Variants in PRR11 observed in about 807,000 individuals in gnomAD.
PRR11 encodes the protein proline rich 11.
Under a neutral mutation model 45.6 loss-of-function variants are expected in PRR11, and 30 were observed. The ratio of observed to expected loss-of-function variants is 0.66; its 90% confidence interval spans 0.49 to 0.89. PRR11 has a LOEUF of 0.89. PRR11 is among the 40% of genes least tolerant of loss of function. The pLI is 0.00. For synonymous variants in PRR11, 128 were observed against 153.5 expected, an observed-to-expected ratio of 0.83 and a Z score of 1.23; for missense variants, 373 against 424.8, an observed-to-expected ratio of 0.88 and a Z score of 1.07.
rs559191513 is a variant in PRR11 at position 59,185,358 on chromosome 17, C to A, written c.280-82C>A. The stretch of plus-strand genomic sequence containing the variant: ...CTGCCTTTGCTTCTATAAAAACATA[C>A]ATCAAGTCACTTTCTGGTTCCTGTT... On this transcript the variant is annotated intron_variant, in intron 3 of 9. Coordinates refer to ENST00000262293, the MANE Select transcript of PRR11 (RefSeq NM_018304.4). 234 of 1,535,328 alleles carry A rather than the reference C, an allele frequency of 1.5e-4. No homozygotes were observed. The South Asian group carries it at 2.5e-3, about 17-fold the overall frequency.
Position 59,159,512 on chromosome 17 carries a change from T to C in PRR11, c.-6+3707T>C, listed in dbSNP as rs532721483. On this transcript the variant is annotated intron_variant, in intron 1 of 9. Coordinates refer to ENST00000262293, the MANE Select transcript of PRR11 (RefSeq NM_018304.4). Reference sequence around the variant, plus strand: ...TTGTAAGTGGTCTCTTTGTCTTCAGTCATGGTCCCATAAATCCAATTTCCA... The same window carrying C: ...TTGTAAGTGGTCTCTTTGTCTTCAGCCATGGTCCCATAAATCCAATTTCCA... Among the ~76,000 whole-genome samples the C allele has an allele frequency of 2.0e-5, 3 of 152,300 alleles. No homozygotes were observed. In the South Asian group the frequency reaches 6.2e-4, roughly 32 times the overall value.
chr17:59,192,489 C>G (rs913271212), intron 4 of PRR11, among the ~76,000 whole-genome samples: 1 of 152,220 alleles, frequency 6.6e-6, no homozygotes, highest in Non-Finnish European at 1.5e-5. Flanking sequence ...ATACCACAGG[C>G]TGGGTGGCTT....
intron 2 of PRR11, among the ~76,000 whole-genome samples, chr17:59,180,496 G>GT (rs746347460): frequency 0.01 from 1,038 of 101,190 alleles, 8 homozygotes; most frequent in East Asian, 0.013. Context: ...GCCCGTCCTT[G>GT]TTTTTTTTTT....
chr17:59,179,707 C>T (rs1044936207), intron 2 of PRR11: 12 of 1,435,472 alleles, frequency 8.4e-6, no homozygotes, highest in Non-Finnish European at 1.1e-5. Flanking sequence ...CTCGCCATTG[C>T]TTCAGCTTCA....
rs1233839554 is a variant in PRR11, at chr17:59,174,884, C to G, written c.128+5004C>G. 5.9e-6 allele frequency: 7 copies of G among 1,181,084 alleles called. No individual in the cohort carries two copies. In the Admixed American group the frequency reaches 1.2e-4, roughly 21 times the overall value. 73.2% of individuals were successfully genotyped at this position (1,181,084 alleles called of 1,614,324 possible). Reference sequence around the variant, plus strand: ...AGAAGATGGGGACTCCCCAGGATACCCCTCCCTCCCCTTGTCCAGCCTCCA... The same window carrying G: ...AGAAGATGGGGACTCCCCAGGATACGCCTCCCTCCCCTTGTCCAGCCTCCA... On this transcript the variant is annotated intron_variant, in intron 2 of 9. Transcript: ENST00000262293.
chr17:59,181,462 CGTT>C, intron 2 of PRR11: 1 of 1,067,088 alleles, frequency 9.4e-7, no homozygotes, highest in Non-Finnish European at 1.4e-6. Context: ...AAGTTTTCCT[CGTT>C]TTTAAAAGAA....
At chr17:59,158,873 T>A (rs894549935) in intron 1 of PRR11, among the ~76,000 whole-genome samples, 3 of 152,196 alleles carry the variant, frequency 2.0e-5, no homozygotes, top group Non-Finnish European at 2.9e-5. Context: ...GTGCACCCAG[T>A]GCAGTGGCGT....
chr17:59,177,029 C>T (rs2046750939), intron 2 of PRR11: 1 of 410,642 alleles, frequency 2.4e-6, no homozygotes, highest in Non-Finnish European at 4.8e-6. Context: ...AGTCTAAAAA[C>T]AAGATAGTAT....
Position 59,194,773 on chromosome 17 carries a change from A to T in PRR11, c.662A>T (p.Lys221Ile). Residue 221 changes from lysine (K) to isoleucine (I), a missense_variant, in exon 6 of 10, where the codon AAA becomes ATA. Transcript: ENST00000262293. ...AKALQAGPLK[K>I]DGPMQITVKD... Reference sequence around the variant, plus strand: ...TATTTTAAGGCTGGACCATTAAAAAAAGATGGACCCATGCAGATAACAGTT... The same window carrying T: ...TATTTTAAGGCTGGACCATTAAAAATAGATGGACCCATGCAGATAACAGTT... The T allele has an allele frequency of 6.2e-7, 1 of 1,613,302 alleles. No individual in the cohort carries two copies. The highest frequency in any genetic ancestry group is 8.5e-7 in the Non-Finnish European group (1 of 1,179,642).
intron 2 of PRR11, among the ~76,000 whole-genome samples, chr17:59,173,325 G>A (rs140786934): frequency 6.6e-6 from 1 of 152,312 alleles, no homozygotes; most frequent in Non-Finnish European, 1.5e-5. Context: ...GGCTGCCCAA[G>A]CCAGTAGTGG....
intron 2 of PRR11, among the ~76,000 whole-genome samples, chr17:59,173,996 C>CT (rs1280806678): frequency 3.3e-5 from 5 of 150,544 alleles, no homozygotes; most frequent in African/African-American, 1.0e-4. Context: ...CACATCAAGT[C>CT]TAACTAGAGT....
At chr17:59,198,043 G>A (rs1466424927) in intron 9 of PRR11, among the ~76,000 whole-genome samples, 2 of 152,106 alleles carry the variant, frequency 1.3e-5, no homozygotes, top group African/African-American at 4.8e-5. Context: ...GAGCCCAGGA[G>A]GTCAAGGCTG....
At chr17:59,164,734 C>A (rs2046670665) in intron 1 of PRR11, among the ~76,000 whole-genome samples, 1 of 151,862 alleles carries the variant, frequency 6.6e-6, no homozygotes, top group Non-Finnish European at 1.5e-5. Context: ...TAAAAATTAG[C>A]CGGGCATGGT....
chr17:59,167,799 T>C (rs561733813), intron 1 of PRR11, among the ~76,000 whole-genome samples: 35 of 152,280 alleles, frequency 2.3e-4, no homozygotes, highest in Non-Finnish European at 3.4e-4. Context: ...AACTAGTGTA[T>C]AATGAGCAGT....
At chr17:59,196,962 C>T (rs1403386487) in intron 7 of PRR11, among the ~76,000 whole-genome samples, 1 of 152,034 alleles carries the variant, frequency 6.6e-6, no homozygotes, top group Admixed American at 6.6e-5. Context: ...CAATTCTCTG[C>T]CTCAGCCTCC....
At chr17:59,185,239 GT>G (rs778990399) in intron 3 of PRR11, 35 bp downstream of exon 3, 4 of 1,608,316 alleles carry the variant, frequency 2.5e-6, no homozygotes, top group Non-Finnish European at 3.4e-6. Flanking sequence ...CAGTGCTATA[GT>G]TTTTCTACAC....
chr17:59,179,936 C>T, intron 2 of PRR11: 1 of 1,281,876 alleles, frequency 7.8e-7, no homozygotes, highest in South Asian at 1.2e-5. Flanking sequence ...TCCTTAGAGC[C>T]AGACCCAAAA....
At position 59,182,537 on chromosome 17, in the gene PRR11, G is replaced by A. The variant is rs138907795; in HGVS notation, c.129-2517G>A. ...CTCCCAAATAGCTGGGATTACAGGC[G>A]CGCACCACTACCACCTGGCTAATTT... On this transcript the variant is annotated intron_variant, in intron 2 of 9. Transcript: ENST00000262293. 1.0e-2 allele frequency among the ~76,000 whole-genome samples: 1,498 copies of A among 150,424 alleles called. 23 individuals are homozygous for A. Among genetic ancestry groups the A allele is most frequent in the African/African-American group, 0.034 (1,403 of 40,946 alleles).
Position 59,193,472 on chromosome 17 carries a change from A to G in PRR11, c.403-20A>G, listed in dbSNP as rs1024407082. On this transcript the variant is annotated intron_variant, in intron 4 of 9. Transcript: ENST00000262293. ...AAATTAACTTGTTATTTATTTGCCAAATGTGATGTCTTCTTCCAGACCATC... is the reference window on the plus strand; with the variant it reads ...AAATTAACTTGTTATTTATTTGCCAGATGTGATGTCTTCTTCCAGACCATC... The G allele has an allele frequency of 1.2e-6, 2 of 1,613,284 alleles. No individual in the cohort carries two copies. Among genetic ancestry groups the G allele is most frequent in the Non-Finnish European group, 1.7e-6 (2 of 1,179,284 alleles).
Sources: gnomAD v4.1 joint callset for allele counts (sites outside exome capture counted in the v4.1 genomes callset) on GRCh38, gnomAD v4.1.1 for gene constraint, MANE v1.5 for transcripts, NCBI Gene and HGNC (gene_info 2026-07-23, HGNC 2026-07-21) for gene names.